The following ARHGEF37 variants were observed in gnomAD, a reference collection of about 807,000 sequenced individuals.
ARHGEF37 encodes Rho guanine nucleotide exchange factor (GEF) 37.
ARHGEF37 carries 55 observed loss-of-function variants against 71.1 expected under a neutral mutation model. The ratio of observed to expected loss-of-function variants is 0.77; its 90% CI spans 0.62 to 0.97. The LOEUF is 0.97. ARHGEF37 is among the 50% of genes least tolerant of loss of function. ARHGEF37 has a pLI of 0.00. For synonymous variants in ARHGEF37, 327 were observed against 350.6 expected (o/e 0.93, Z 0.75); for missense variants, 765 against 836.8 (o/e 0.91, Z 1.06).
intron 3 of ARHGEF37, among the ~76,000 whole-genome samples, chr5:149,603,064 C>A (rs1462971726): frequency 6.6e-6 from 1 of 152,032 alleles, no homozygotes; most frequent in Non-Finnish European, 1.5e-5. Context: ...TCCTGAGTAG[C>A]TGGGATTACA....
rs754706750 is a variant in ARHGEF37, at chr5:149,601,212, G to A, written c.291G>A (p.Glu97=). Residue 97 remains glutamate (E), a synonymous_variant, in exon 3 of 13, where the codon GAG becomes GAA. Transcript: ENST00000333677. ...HDLQETASKE[E]EQVQLVGNIF... is the part of the protein sequence containing the mutation. ...TGCAGGAGACAGCCTCCAAGGAAGAGGAACAAGTGCAGCTAGTTGGTAAGC... is the reference window on the plus strand; with the variant it reads ...TGCAGGAGACAGCCTCCAAGGAAGAAGAACAAGTGCAGCTAGTTGGTAAGC... The A allele has an allele frequency of 6.2e-7, 1 of 1,612,518 alleles. No individual in the cohort carries two copies. Among genetic ancestry groups the A allele is most frequent in the African/African-American group, 1.3e-5 (1 of 74,894 alleles).
At chr5:149,609,514 C>T (rs766184237) in intron 3 of ARHGEF37, 34 bp from the exon 4 acceptor site, 4 of 1,610,494 alleles carry the variant, frequency 2.5e-6, no homozygotes, top group Non-Finnish European at 3.4e-6. Context: ...ACAGACATGC[C>T]CTTGACGACC....
At chr5:149,626,963 A>C (rs1490121008) in intron 10 of ARHGEF37, 113 bp from the exon 11 acceptor site, 3 of 1,155,370 alleles carry the variant, frequency 2.6e-6, no homozygotes, top group African/African-American at 3.1e-5. Context: ...CTTCAGTGGC[A>C]GAGTTAGGAT....
chr5:149,572,349 TG>T (rs1184388014), intron 1 of ARHGEF37, among the ~76,000 whole-genome samples: 3 of 152,238 alleles, frequency 2.0e-5, no homozygotes, highest in Non-Finnish European at 2.9e-5. Flanking sequence ...TAACTTTACA[TG>T]GTAGTATTTA....
chr5:149,598,265 CTTCTT>C (rs1464382171), intron 2 of ARHGEF37, among the ~76,000 whole-genome samples: 33 of 98,490 alleles, frequency 3.4e-4, no homozygotes, highest in Admixed American at 1.2e-3. Context: ...TAAACTGACT[CTTCTT>C]CTTCTTCTTC....
At chr5:149,591,889 G>A (rs1358328577) in intron 1 of ARHGEF37, among the ~76,000 whole-genome samples, 1 of 152,190 alleles carries the variant, frequency 6.6e-6, no homozygotes, top group Non-Finnish European at 1.5e-5. Context: ...TGTTCACTAG[G>A]TGTCAGGTAT....
At chr5:149,627,739 C>T (rs1752738836) in intron 11 of ARHGEF37, among the ~76,000 whole-genome samples, 1 of 152,198 alleles carries the variant, frequency 6.6e-6, no homozygotes, top group Non-Finnish European at 1.5e-5. Context: ...TTGGGAAGTG[C>T]TGCTGAGGTC....
At chr5:149,622,099 G>T in intron 9 of ARHGEF37, 37 bp downstream of exon 9, 5 of 1,541,162 alleles carry the variant, frequency 3.2e-6, no homozygotes, top group Non-Finnish European at 4.4e-6. Context: ...GTGGGGAGTA[G>T]CCAGGCAAGG....
intron 1 of ARHGEF37, among the ~76,000 whole-genome samples, chr5:149,591,661 T>G (rs964074922): frequency 2.0e-5 from 3 of 152,240 alleles, no homozygotes; most frequent in African/African-American, 7.2e-5. Context: ...AATTTTTGAC[T>G]GTAAGATGGT....
intron 1 of ARHGEF37, among the ~76,000 whole-genome samples, chr5:149,575,671 ATTTTTTT>A (rs751297275): frequency 1.9e-5 from 2 of 107,302 alleles, no homozygotes; most frequent in Non-Finnish European, 3.9e-5. Flanking sequence ...CCAAATGACT[ATTTTTTT>A]TTTTTTTTTT....
intron 1 of ARHGEF37, among the ~76,000 whole-genome samples, chr5:149,567,682 C>T (rs1227759240): frequency 6.6e-6 from 1 of 152,176 alleles, no homozygotes; most frequent in Non-Finnish European, 1.5e-5. Flanking sequence ...CAGATTTGGT[C>T]AGTGACAGTC....
chr5:149,553,418 T>A (rs1467471927), intron 1 of ARHGEF37, among the ~76,000 whole-genome samples: 1 of 151,572 alleles, frequency 6.6e-6, no homozygotes, highest in Non-Finnish European at 1.5e-5. Flanking sequence ...ATTAATTAAT[T>A]AATCAATTCT....
chr5:149,632,283 T>G lies in ARHGEF37; in HGVS notation c.*92T>G, dbSNP rs1388471439. On this transcript the variant is annotated 3_prime_UTR_variant, in exon 13 of 13. Transcript: ENST00000333677. ...AAAAGAAGCAAAGGAAAGGTGGAGG[T>G]GGAAGGGAAGACCAGGCCAGGGTGG... The G allele has an allele frequency of 8.3e-6, 12 of 1,446,146 alleles. No individual in the cohort carries two copies. The highest frequency in any genetic ancestry group is 1.1e-5 in the Non-Finnish European group (12 of 1,064,540). 89.6% of individuals were successfully genotyped at this position (1,446,146 alleles called of 1,614,324 possible).
At chr5:149,584,149 G>A (rs2113269249) in intron 1 of ARHGEF37, among the ~76,000 whole-genome samples, 1 of 152,264 alleles carries the variant, frequency 6.6e-6, no homozygotes, top group East Asian at 1.9e-4. Context: ...CCAAACTTGT[G>A]ATGACAGAGC....
chr5:149,607,813 A>G (rs1421065983), intron 3 of ARHGEF37, among the ~76,000 whole-genome samples: 1 of 126,590 alleles, frequency 7.9e-6, no homozygotes, highest in East Asian at 2.3e-4. Context: ...CCCAGGCTGG[A>G]GTGAGTGCAG....
chr5:149,608,420 G>T (rs185182447), intron 3 of ARHGEF37, among the ~76,000 whole-genome samples: 75 of 151,826 alleles, frequency 4.9e-4, no homozygotes, highest in East Asian at 2.3e-3. Context: ...GTGCAGGCTG[G>T]AGTGCAGTGG....
chr5:149,624,633 G>C (rs1470709554), intron 10 of ARHGEF37, among the ~76,000 whole-genome samples: 3 of 86,836 alleles, frequency 3.5e-5, no homozygotes, highest in Non-Finnish European at 4.8e-5. Context: ...AATTAGCTGA[G>C]CGTGGTGGTG....
chr5:149,575,507 G>A (rs1035888345), intron 1 of ARHGEF37, among the ~76,000 whole-genome samples: 5 of 152,244 alleles, frequency 3.3e-5, no homozygotes, highest in Admixed American at 1.3e-4. Context: ...AGCTATGCAC[G>A]TGGGATACTA....
chr5:149,607,755 CTTTTTTTT>C (rs67079479), intron 3 of ARHGEF37, among the ~76,000 whole-genome samples: 6 of 83,094 alleles, frequency 7.2e-5, no homozygotes, highest in African/African-American at 3.1e-4. Context: ...AAAGAAACTT[CTTTTTTTT>C]TTTTTTTTTT....
Sources: allele counts gnomAD v4.1 joint callset (sites outside exome capture counted in the v4.1 genomes callset), GRCh38; gene constraint gnomAD v4.1.1; transcripts MANE v1.5; gene names NCBI Gene and HGNC (gene_info 2026-07-23, HGNC 2026-07-21).